Variants in PTPRM observed in about 807,000 individuals in gnomAD.
PTPRM encodes the protein receptor-type tyrosine-protein phosphatase mu.
PTPRM carries 47 observed loss-of-function variants against 186.7 expected under a neutral mutation model. That is an observed-to-expected ratio of 0.25 (90% confidence interval 0.20 to 0.32). The LOEUF (loss-of-function observed/expected upper bound fraction) is 0.32. Among genes scored for constraint, PTPRM ranks in the 10% least tolerant of loss-of-function variants. The pLI is 1.00. For missense variants in PTPRM, 1,494 were observed against 1,865.0 expected (o/e 0.80, Z 3.66); for synonymous variants, 668 against 674.9 (o/e 0.99, Z 0.16).
At chr18:7,760,319 T>TA (rs2041706568) in intron 1 of PTPRM, among the ~76,000 whole-genome samples, 1 of 152,232 alleles carries the variant, frequency 6.6e-6, no homozygotes, top group Non-Finnish European at 1.5e-5. Context: ...TGTGCAATCT[T>TA]AGAGTGGGAA....
chr18:7,710,516 A>G (rs1376640740), intron 1 of PTPRM, among the ~76,000 whole-genome samples: 2 of 152,182 alleles, frequency 1.3e-5, no homozygotes, highest in South Asian at 2.1e-4. Flanking sequence ...CGCCACTCCT[A>G]TTCAACACAG....
At chr18:8,002,090 G>A (rs980471022) in intron 7 of PTPRM, among the ~76,000 whole-genome samples, 12 of 152,106 alleles carry the variant, frequency 7.9e-5, no homozygotes, top group African/African-American at 2.4e-4. Context: ...AAAATTGCCG[G>A]TAATCCATCC....
intron 1 of PTPRM, among the ~76,000 whole-genome samples, chr18:7,645,813 G>A (rs759016487): frequency 7.9e-5 from 12 of 152,200 alleles, no homozygotes; most frequent in Non-Finnish European, 1.8e-4. Flanking sequence ...TCCTCAGAGG[G>A]TGCCATCTCC....
At chr18:8,142,549 C>T (rs1032630412) in intron 13 of PTPRM, among the ~76,000 whole-genome samples, 2 of 152,172 alleles carry the variant, frequency 1.3e-5, no homozygotes, top group African/African-American at 4.8e-5. Flanking sequence ...GGCTCAGACA[C>T]AGTGACAACT....
chr18:8,217,493 T>G (rs2094103820), intron 14 of PTPRM, among the ~76,000 whole-genome samples: 1 of 152,202 alleles, frequency 6.6e-6, no homozygotes. Context: ...CCAGCTAGCT[T>G]CCTTGTTTAA....
At chr18:7,699,727 GT>G (rs57074624) in intron 1 of PTPRM, among the ~76,000 whole-genome samples, 8,097 of 148,890 alleles carry the variant, frequency 0.054, 710 homozygotes, top group African/African-American at 0.18. Flanking sequence ...TAACTTACAA[GT>G]TTTTTTTTTT....
chr18:8,395,795 C>G (rs749452205), intron 32 of PTPRM, among the ~76,000 whole-genome samples: 1 of 152,222 alleles, frequency 6.6e-6, no homozygotes, highest in African/African-American at 2.4e-5. Flanking sequence ...AGTCTCAACT[C>G]TACTACTAAT....
chr18:8,191,101 G>C (rs2093703850), intron 14 of PTPRM, among the ~76,000 whole-genome samples: 1 of 152,224 alleles, frequency 6.6e-6, no homozygotes, highest in Non-Finnish European at 1.5e-5. Context: ...TGGGCACAGA[G>C]TAGGAAAGGG....
intron 1 of PTPRM, among the ~76,000 whole-genome samples, chr18:7,662,714 A>G (rs1241671317): frequency 1.3e-5 from 2 of 152,226 alleles, no homozygotes; most frequent in Non-Finnish European, 2.9e-5. Context: ...AGTATAATTG[A>G]ATTGTTTGTA....
At chr18:8,241,244 A>T (rs1462616598) in intron 14 of PTPRM, among the ~76,000 whole-genome samples, 1 of 152,220 alleles carries the variant, frequency 6.6e-6, no homozygotes, top group Non-Finnish European at 1.5e-5. Context: ...AGGCTGAGGC[A>T]CGAGAATCAC....
intron 1 of PTPRM, among the ~76,000 whole-genome samples, chr18:7,592,441 T>C (rs2037150980): frequency 1.3e-5 from 2 of 152,206 alleles, no homozygotes; most frequent in Non-Finnish European, 2.9e-5. Flanking sequence ...AAGGGTGTCA[T>C]CAAATGCTTT....
chr18:7,878,123 G>C (rs2048332959), intron 2 of PTPRM, among the ~76,000 whole-genome samples: 1 of 152,172 alleles, frequency 6.6e-6, no homozygotes, highest in Admixed American at 6.5e-5. Context: ...TCTTGGTTTA[G>C]TGGTAAGATA....
At chr18:7,672,292 A>C (rs1007324441) in intron 1 of PTPRM, among the ~76,000 whole-genome samples, 10 of 152,220 alleles carry the variant, frequency 6.6e-5, no homozygotes, top group Admixed American at 2.0e-4. Context: ...AATAAATTTC[A>C]GGTTAAGTTT....
intron 19 of PTPRM, among the ~76,000 whole-genome samples, chr18:8,254,387 G>A (rs1459451789): frequency 6.6e-6 from 1 of 152,216 alleles, no homozygotes; most frequent in Non-Finnish European, 1.5e-5. Flanking sequence ...CCTTGAGTGG[G>A]TGGTGTGGGG....
In PTPRM at chr18:8,064,596, A is replaced by G. The variant is rs187768711; in HGVS notation, c.1133-5090A>G. Among the ~76,000 whole-genome samples the G allele has an allele frequency of 3.5e-4, 54 of 152,308 alleles. No homozygotes were observed. In the East Asian group the frequency reaches 0.01, roughly 28 times the overall value. On this transcript the variant is annotated intron_variant, in intron 7 of 32. Transcript: ENST00000580170. Reference sequence around the variant, plus strand: ...AGGAAAAATATATTCAAATTTATATAATTTTTAGGATAAGTTTGAATTCGT... The same window carrying G: ...AGGAAAAATATATTCAAATTTATATGATTTTTAGGATAAGTTTGAATTCGT...
At chr18:7,830,177 CT>C (rs1328492739) in intron 2 of PTPRM, among the ~76,000 whole-genome samples, 1 of 152,134 alleles carries the variant, frequency 6.6e-6, no homozygotes, top group Non-Finnish European at 1.5e-5. Context: ...CCCACATTTC[CT>C]GTGGGCCCTT....
intron 5 of PTPRM, among the ~76,000 whole-genome samples, chr18:7,948,297 AAG>A (rs942721629): frequency 1.3e-5 from 2 of 151,656 alleles, no homozygotes; most frequent in Non-Finnish European, 2.9e-5. Context: ...GAGAGAGAGA[AAG>A]AGAGAGAGAA....
At chr18:8,390,337 A>G (rs1488882323) in intron 31 of PTPRM, among the ~76,000 whole-genome samples, 3 of 152,254 alleles carry the variant, frequency 2.0e-5, no homozygotes, top group Non-Finnish European at 2.9e-5. Context: ...AGAAGAAAAC[A>G]TAGGAGAATA....
intron 1 of PTPRM, among the ~76,000 whole-genome samples, chr18:7,657,967 C>G (rs946733814): frequency 6.6e-6 from 1 of 152,052 alleles, no homozygotes; most frequent in South Asian, 2.1e-4. Context: ...CATGATGTTT[C>G]GATACATATA....
Sources: allele counts gnomAD v4.1 joint callset (sites outside exome capture counted in the v4.1 genomes callset), GRCh38; gene constraint gnomAD v4.1.1; transcripts MANE v1.5; gene names NCBI Gene and HGNC (gene_info 2026-07-23, HGNC 2026-07-21).